MSI2: variants seen among roughly 807,000 people sequenced by gnomAD.
The protein encoded by MSI2 is RNA-binding protein Musashi homolog 2.
Under a neutral mutation model 45.6 loss-of-function variants are expected in MSI2, and 17 were observed. That is an observed-to-expected ratio of 0.37 (90% confidence interval 0.26 to 0.56). The LOEUF (loss-of-function observed/expected upper bound fraction) is 0.56. Among genes scored for constraint, MSI2 ranks in the 20% least tolerant of loss-of-function variants. The pLI is 0.77. For missense variants in MSI2, 293 were observed against 444.2 expected (o/e 0.66, Z 3.06); for synonymous variants, 156 against 158.2 (o/e 0.99, Z 0.11).
chr17:57,328,198 C>T (rs1471226026), intron 5 of MSI2, among the ~76,000 whole-genome samples: 4 of 152,130 alleles, frequency 2.6e-5, no homozygotes, highest in African/African-American at 9.7e-5. Context: ...GTCTCTTTGT[C>T]CTTCTGTTCA....
chr17:57,280,575 C>T lies in MSI2; in HGVS notation c.312+18383C>T, dbSNP rs1008470194. ...GAGCAGAGCCCCCAACCCCCACCTC[C>T]GTGAGATTGAGAGTGTTGGCCCATG... is the stretch of plus-strand genomic sequence containing the variant. On this transcript the variant is annotated intron_variant, in intron 5 of 13. Coordinates refer to ENST00000284073, the MANE Select transcript of MSI2 (RefSeq NM_138962.4). This position sits in a 1 kb window ranked among gnomAD's most constrained non-coding sequence, Gnocchi z 4.2. 6.9e-4 allele frequency among the ~76,000 whole-genome samples: 105 copies of T among 152,154 alleles called. No homozygotes were observed. Among genetic ancestry groups the T allele is most frequent in the African/African-American group, 2.4e-3 (99 of 41,500 alleles).
At chr17:57,257,861 A>C in intron 3 of MSI2, among the ~76,000 whole-genome samples, 1 of 149,088 alleles carries the variant, frequency 6.7e-6, no homozygotes, top group East Asian at 2.0e-4. Flanking sequence ...TTTTGATCTT[A>C]ATGTGTGTTT....
intron 7 of MSI2, among the ~76,000 whole-genome samples, chr17:57,575,274 G>A (rs772943046): frequency 2.0e-5 from 3 of 150,432 alleles, no homozygotes; most frequent in Non-Finnish European, 3.0e-5. Context: ...CCAGGGTTTT[G>A]CCTGGCTTAT....
At chr17:57,446,816 C>A (rs2084908839) in intron 6 of MSI2, among the ~76,000 whole-genome samples, 2 of 152,170 alleles carry the variant, frequency 1.3e-5, no homozygotes, top group Admixed American at 6.5e-5. Context: ...CCCACACGGA[C>A]AAAAGGCACA....
intron 7 of MSI2, among the ~76,000 whole-genome samples, chr17:57,592,530 G>A (rs1347138724): frequency 1.3e-5 from 2 of 152,160 alleles, no homozygotes; most frequent in Non-Finnish European, 2.9e-5. Flanking sequence ...CTCTGCTCGG[G>A]CCAAACAGAC....
intron 5 of MSI2, among the ~76,000 whole-genome samples, chr17:57,386,822 C>T (rs567049917): frequency 6.6e-6 from 1 of 152,346 alleles, no homozygotes; most frequent in East Asian, 1.9e-4. Context: ...AGACACTCAA[C>T]AAATGTTTGT....
intron 5 of MSI2, among the ~76,000 whole-genome samples, chr17:57,313,764 G>C (rs1912613233): frequency 6.6e-6 from 1 of 152,238 alleles, no homozygotes; most frequent in South Asian, 2.1e-4. Flanking sequence ...GCTAGGCACA[G>C]AGACAGGTGA....
At chr17:57,341,333 C>T (rs1915134795) in intron 5 of MSI2, among the ~76,000 whole-genome samples, 1 of 152,180 alleles carries the variant, frequency 6.6e-6, no homozygotes, top group Admixed American at 6.5e-5. Context: ...TACCTACCCA[C>T]CTGCATTTAA....
chr17:57,576,851 GA>G (rs1205374060), intron 7 of MSI2, among the ~76,000 whole-genome samples: 4 of 151,798 alleles, frequency 2.6e-5, no homozygotes, highest in African/African-American at 9.7e-5. Context: ...TGGTTTATAG[GA>G]AGCCTGGGGT....
intron 6 of MSI2, among the ~76,000 whole-genome samples, chr17:57,494,381 T>TTTGATTC (rs2085934535): frequency 6.6e-6 from 1 of 152,110 alleles, no homozygotes; most frequent in Non-Finnish European, 1.5e-5. Context: ...AGCCTAGTGT[T>TTTGATTC]TTGATTCTTT....
At chr17:57,584,794 T>C (rs907825011) in intron 7 of MSI2, among the ~76,000 whole-genome samples, 1 of 110,654 alleles carries the variant, frequency 9.0e-6, no homozygotes, top group Non-Finnish European at 2.2e-5. Flanking sequence ...GATTTGGGTT[T>C]TTTTTTTTTT....
At chr17:57,350,157 T>A (rs1468889604) in intron 5 of MSI2, among the ~76,000 whole-genome samples, 5 of 152,122 alleles carry the variant, frequency 3.3e-5, no homozygotes, top group Non-Finnish European at 7.3e-5. Context: ...CTGTTGTTAA[T>A]GACTGGTTTG....
At chr17:57,495,474 A>G (rs1299220856) in intron 6 of MSI2, among the ~76,000 whole-genome samples, 1 of 144,852 alleles carries the variant, frequency 6.9e-6, no homozygotes, top group Admixed American at 7.3e-5. Flanking sequence ...CGGAGGTTGC[A>G]GTGAGCCAAG....
intron 11 of MSI2, among the ~76,000 whole-genome samples, chr17:57,659,735 A>C (rs1911861409): frequency 6.6e-6 from 1 of 152,036 alleles, no homozygotes; most frequent in Admixed American, 6.5e-5. Flanking sequence ...ATGTAGGAAA[A>C]ATAATAAAAT....
At chr17:57,670,217 A>C (rs1912681272) in intron 11 of MSI2, among the ~76,000 whole-genome samples, 1 of 152,226 alleles carries the variant, frequency 6.6e-6, no homozygotes, top group Admixed American at 6.5e-5. Flanking sequence ...GACAACACAG[A>C]AATTATTGGA....
intron 7 of MSI2, among the ~76,000 whole-genome samples, chr17:57,574,128 C>G (rs1254810328): frequency 6.6e-6 from 1 of 152,096 alleles, no homozygotes; most frequent in Non-Finnish European, 1.5e-5. Context: ...CCCTGCACAT[C>G]TGTGTCTCCC....
At chr17:57,561,905 G>A (rs1272314571) in intron 7 of MSI2, among the ~76,000 whole-genome samples, 1 of 152,164 alleles carries the variant, frequency 6.6e-6, no homozygotes, top group Non-Finnish European at 1.5e-5. Flanking sequence ...GACGTTATTC[G>A]AATTTGCAGC....
intron 6 of MSI2, among the ~76,000 whole-genome samples, chr17:57,445,677 A>T (rs1194021764): frequency 6.6e-6 from 1 of 152,154 alleles, no homozygotes; most frequent in Non-Finnish European, 1.5e-5. Context: ...GAGGAAAATT[A>T]CAGTGTTTAT....
chr17:57,286,091 T>C (rs907077032), intron 5 of MSI2: 2 of 1,011,878 alleles, frequency 2.0e-6, no homozygotes, highest in Admixed American at 3.5e-5. Context: ...TTCTTCTTTA[T>C]TTTTTCTTTC....
Sources: gnomAD v4.1 joint callset for allele counts (sites outside exome capture counted in the v4.1 genomes callset) on GRCh38, gnomAD v4.1.1 for gene constraint, Gnocchi (gnomAD v3.1) non-coding constraint, MANE v1.5 for transcripts, NCBI Gene and HGNC (gene_info 2026-07-23, HGNC 2026-07-21) for gene names.